The following SREBF1 variants were observed in gnomAD, a reference collection of about 807,000 sequenced individuals.
The protein encoded by SREBF1 is sterol regulatory element binding transcription factor 1, also known as sterol regulatory element-binding protein 1.
Under a neutral mutation model 100.1 loss-of-function variants are expected in SREBF1, and 45 were observed. That is an observed-to-expected ratio of 0.45 (90% CI 0.35 to 0.58). The LOEUF (loss-of-function observed/expected upper bound fraction) is 0.58. Ranked by LOEUF, SREBF1 falls within the 20% of genes least tolerant of loss-of-function variation. The pLI is 0.00. For missense variants in SREBF1, 1,324 were observed against 1,539.4 expected (o/e 0.86, Z 2.34); for synonymous variants, 657 against 681.8 (o/e 0.96, Z 0.57).
In SREBF1 at chr17:17,815,244, G is replaced by A. The variant is rs763669855; in HGVS notation, c.2469C>T (p.Ser823=). The change falls in exon 13 of 19, where the codon AGC becomes AGT. Residue 823 remains serine (S), a synonymous_variant. Coordinates refer to ENST00000261646, the MANE Select transcript of SREBF1 (RefSeq NM_004176.5). ...ALNCVTQPNP[S]PGSADGDKEF... ...ACTTGTCCCCATCAGCTGACCCAGGGCTGGGGTTGGGCTGGGTCACACAGT... is the reference window on the plus strand; with the variant it reads ...ACTTGTCCCCATCAGCTGACCCAGGACTGGGGTTGGGCTGGGTCACACAGT... 19 of 1,613,512 alleles carry A rather than the reference G, an allele frequency of 1.2e-5. No homozygotes were observed. The highest frequency in any genetic ancestry group is 1.5e-5 in the Non-Finnish European group (18 of 1,179,992).
intron 1 of SREBF1, among the ~76,000 whole-genome samples, chr17:17,833,152 G>A (rs1036433299): frequency 6.6e-6 from 1 of 151,126 alleles, no homozygotes; most frequent in African/African-American, 2.4e-5. Flanking sequence ...AGCCGGGCGC[G>A]GTGGCTCACG....
Position 17,817,738 on chromosome 17 carries a change from GCCACTGCCA to G in SREBF1, c.1353_1361del (p.Gly452_Gly454del), listed in dbSNP as rs1046592703. The G allele has an allele frequency of 1.1e-5, 17 of 1,613,352 alleles. No individual in the cohort carries two copies. Among genetic ancestry groups the G allele is most frequent in the Non-Finnish European group, 1.4e-5 (17 of 1,179,976 alleles). On this transcript the variant is annotated inframe_deletion, in exon 7 of 19. Transcript: ENST00000261646. This position sits in a 1 kb window ranked among gnomAD's most constrained non-coding sequence, Gnocchi z 6.6. The stretch of plus-strand genomic sequence containing the variant: ...CTGGGCTGTCAGGCTCCGAGTCACT[GCCACTGCCA>G]CCGCTGCCACTGCCCCTGCTGCCAA...
Position 17,819,330 on chromosome 17 carries a change from CCT to C in SREBF1, c.834_835del (p.Gly279AlafsTer53). 6.2e-7 allele frequency: 1 copy of C among 1,613,808 alleles called. No homozygotes were observed. The highest frequency in any genetic ancestry group is 1.3e-5 in the African/African-American group (1 of 75,056). ...GCCCACGTCACCCACCGGCAAAGGCCCTGTCTGCACAGTGGTGCCAGAGACCA... is the reference window on the plus strand; with the variant it reads ...GCCCACGTCACCCACCGGCAAAGGCCGTCTGCACAGTGGTGCCAGAGACCA... On this transcript the variant is annotated frameshift_variant, in exon 4 of 19. Coordinates refer to ENST00000261646, the MANE Select transcript of SREBF1 (RefSeq NM_004176.5). LOFTEE classifies it high-confidence loss of function.
At chr17:17,813,959 GC>G (rs1319106178) in intron 16 of SREBF1, 190 bp from the exon 17 acceptor site, 10 of 703,800 alleles carry the variant, frequency 1.4e-5, no homozygotes, top group Admixed American at 2.7e-5. Flanking sequence ...CCCGCCACCG[GC>G]CCGGGAGCAG....
In SREBF1 at chr17:17,820,345, G is replaced by A. The variant is rs933485969; in HGVS notation, c.268C>T (p.Pro90Ser). ...SSSLEAFLSG[P>S]QAAPSPLSPP... is the part of the protein sequence containing the mutation. ...GACAGGGGTGAGGGCGCTGCCTGCGGCCCGCTCAGGAAGGCTTCAAGAGAG... is the reference window on the plus strand; with the variant it reads ...GACAGGGGTGAGGGCGCTGCCTGCGACCCGCTCAGGAAGGCTTCAAGAGAG... The change falls in exon 2 of 19, where the codon CCG (proline) becomes TCG (serine). Residue 90 changes from proline to serine, a missense_variant. Transcript: ENST00000261646. 1.2e-6 allele frequency: 2 copies of A among 1,613,124 alleles called. No homozygotes were observed. Among genetic ancestry groups the A allele is most frequent in the Non-Finnish European group, 1.7e-6 (2 of 1,179,424 alleles).
At position 17,815,345 on chromosome 17, in the gene SREBF1, G is replaced by T. The variant is rs775300645; in HGVS notation, c.2384-16C>A. On this transcript the variant is annotated splice_polypyrimidine_tract_variant and intron_variant, in intron 12 of 18. Coordinates refer to ENST00000261646, the MANE Select transcript of SREBF1 (RefSeq NM_004176.5). ...AGGGGGTCCACTGTGGAGAGGAGGA[G>T]GTGAGTGGGGTGGGGAGCAGGGCCC... The T allele has an allele frequency of 6.2e-7, 1 of 1,604,576 alleles. No homozygotes were observed. Among genetic ancestry groups the T allele is most frequent in the African/African-American group, 1.3e-5 (1 of 74,760 alleles).
chr17:17,831,736 C>A (rs1463493736), intron 1 of SREBF1, among the ~76,000 whole-genome samples: 2 of 152,210 alleles, frequency 1.3e-5, no homozygotes, highest in African/African-American at 4.8e-5. Context: ...TACTCTGAGG[C>A]CCAGAAGGAG....
intron 1 of SREBF1, 24 bp from the exon 2 acceptor site, chr17:17,820,545 G>A (rs749534809): frequency 1.9e-5 from 30 of 1,611,290 alleles, no homozygotes; most frequent in East Asian, 6.7e-5. Flanking sequence ...AAGAGGGTGC[G>A]TGAGTGAGGC....
At chr17:17,820,658 C>G in intron 1 of SREBF1, 137 bp from the exon 2 acceptor site, 1 of 967,980 alleles carries the variant, frequency 1.0e-6, no homozygotes, top group Admixed American at 2.0e-5. Context: ...GCCACCAGGA[C>G]AGAAAGCCAC....
In SREBF1 at chr17:17,816,835, T is replaced by A. The variant is rs888986189; in HGVS notation, c.1786-117A>T. ...TGGTGGGGGTCTGCGGATGCGTGGC[T>A]AGGCACAGGGAGGACGGGACAGATT... On this transcript the variant is annotated intron_variant, in intron 9 of 18. Coordinates refer to ENST00000261646, the MANE Select transcript of SREBF1 (RefSeq NM_004176.5). The A allele has an allele frequency of 4.4e-6, 7 of 1,587,614 alleles. No homozygotes were observed. The African/African-American group carries it at 9.4e-5, about 21-fold the overall frequency.
At position 17,819,556 on chromosome 17, in the gene SREBF1, C is replaced by G. The variant is rs769438496; in HGVS notation, c.693G>C (p.Ser231=). The G allele has an allele frequency of 6.2e-7, 1 of 1,613,744 alleles. No individual in the cohort carries two copies. Residue 231 remains serine, a synonymous_variant, in exon 3 of 19, where the codon TCG becomes TCC. Transcript: ENST00000261646. ...CCCTCACCGGGACCTGCTGGATCTG[C>G]GAGGTCACAGTGGTCGTTACAGGGG... is the stretch of plus-strand genomic sequence containing the variant. ...TAAPVTTTVT[S]QIQQVPVLLQ... is the part of the protein sequence containing the mutation.
At position 17,819,000 on chromosome 17, in the gene SREBF1, G is replaced by A. The variant is rs1301922247; in HGVS notation, c.1068+13C>T. ...GGACACCCCGGTCTGTGCCCCTGCAGGCCTCTCCACACCTTTGCCTCAGTG... is the reference window on the plus strand; with the variant it reads ...GGACACCCCGGTCTGTGCCCCTGCAAGCCTCTCCACACCTTTGCCTCAGTG... On this transcript the variant is annotated intron_variant, in intron 5 of 18. Coordinates refer to ENST00000261646, the MANE Select transcript of SREBF1 (RefSeq NM_004176.5). The A allele has an allele frequency of 6.2e-7, 1 of 1,611,582 alleles. No individual in the cohort carries two copies.
In SREBF1 at chr17:17,813,580, C is replaced by T. The variant is rs1439044593; in HGVS notation, c.3091G>A (p.Ala1031Thr). 1.3e-6 allele frequency: 2 copies of T among 1,594,794 alleles called. No individual in the cohort carries two copies. The highest frequency in any genetic ancestry group is 1.3e-5 in the African/African-American group (1 of 74,610). Residue 1031 changes from alanine (A) to threonine (T), a missense_variant, in exon 17 of 19, where the codon GCC (alanine) becomes ACC (threonine). Transcript: ENST00000261646. ...CATCGGGCACTCACCCTCCGCATGG[C>T]GGGCCGGAAGCTCTGTGCCAGCCGC... ...LRRLAQSFRP[A>T]MRRVFLHEAT...
rs752363887 is a variant in SREBF1, at chr17:17,820,302, G to C, written c.311C>G (p.Pro104Arg). The C allele has an allele frequency of 5.0e-6, 8 of 1,613,834 alleles. No individual in the cohort carries two copies. The highest frequency in any genetic ancestry group is 6.8e-6 in the Non-Finnish European group (8 of 1,179,960). ...GGACGGGTACATCTTCAATGGAGTG[G>C]GTGCAGGCTGGGGAGGGGACAGGGG... is the stretch of plus-strand genomic sequence containing the variant. ...PSPLSPPQPAPTPLKMYPSMP... is the reference protein window; with the variant it reads ...PSPLSPPQPARTPLKMYPSMP... Residue 104 changes from proline (P) to arginine (R), a missense_variant, in exon 2 of 19, where the codon CCC becomes CGC. Coordinates refer to ENST00000261646, the MANE Select transcript of SREBF1 (RefSeq NM_004176.5).
Position 17,811,543 on chromosome 17 carries a change from G to C in SREBF1, c.*1079C>G, listed in dbSNP as rs918924589. ...GGGAATGAAGGGAGGGGCTGGGGGG[G>C]GGGGCATGAATGGAGTCAGGGAGTC... On this transcript the variant is annotated 3_prime_UTR_variant, in exon 19 of 19. Coordinates refer to ENST00000261646, the MANE Select transcript of SREBF1 (RefSeq NM_004176.5). The C allele has an allele frequency of 1.9e-5, 6 of 312,500 alleles. No individual in the cohort carries two copies. Among genetic ancestry groups the C allele is most frequent in the Admixed American group, 1.1e-4 (2 of 18,910 alleles). The allele number at this position is 312,500 out of a possible 1,614,324, so 19.4% of individuals were successfully genotyped here.
At chr17:17,822,782 G>A (rs943193247) in intron 1 of SREBF1, among the ~76,000 whole-genome samples, 2 of 152,220 alleles carry the variant, frequency 1.3e-5, no homozygotes, top group Non-Finnish European at 2.9e-5. Context: ...ACGGCTGCCC[G>A]AGGCTTTGCT....
chr17:17,820,106 C>A lies in SREBF1; in HGVS notation c.507G>T (p.Pro169=). ...STPVLGYPSP[P]GGFSTGSPPG... ...CCCCCTTACCTGTAGAGAAGCCTCC[C>A]GGAGGGCTGGGGTAGCCTAACACAG... Residue 169 remains proline (P), a synonymous_variant, in exon 2 of 19, where the codon CCG becomes CCT. Coordinates refer to ENST00000261646, the MANE Select transcript of SREBF1 (RefSeq NM_004176.5). 1 of 1,612,078 alleles carries A rather than the reference C, an allele frequency of 6.2e-7. No individual in the cohort carries two copies. The highest frequency in any genetic ancestry group is 8.5e-7 in the Non-Finnish European group (1 of 1,179,634).
chr17:17,827,505 A>G (rs2034564917), intron 1 of SREBF1, among the ~76,000 whole-genome samples: 1 of 152,030 alleles, frequency 6.6e-6, no homozygotes, highest in South Asian at 2.1e-4. Flanking sequence ...GATCCTCCTA[A>G]CTGGAGTCGG....
intron 1 of SREBF1, 166 bp from the exon 2 acceptor site, chr17:17,820,687 C>T (rs768744297): frequency 2.5e-5 from 19 of 768,350 alleles, no homozygotes; most frequent in Middle Eastern, 3.0e-4. Context: ...GCTGGTGTTC[C>T]CGGACATACA....
Sources: allele counts gnomAD v4.1 joint callset (sites outside exome capture counted in the v4.1 genomes callset), GRCh38; gene constraint gnomAD v4.1.1; non-coding constraint Gnocchi (gnomAD v3.1); transcripts MANE v1.5; gene names NCBI Gene and HGNC (gene_info 2026-07-23, HGNC 2026-07-21).